Variants in SPAG6 observed in about 807,000 individuals in gnomAD.
SPAG6 encodes the protein sperm associated antigen 6.
SPAG6 carries 49 observed loss-of-function variants against 58.5 expected under a neutral mutation model. The ratio of observed to expected loss-of-function variants is 0.84; its 90% confidence interval spans 0.67 to 1.06. The LOEUF is 1.06. SPAG6 is among the 50% of genes least tolerant of loss of function. The pLI is 0.00. For synonymous variants in SPAG6, 233 were observed against 225.6 expected (o/e 1.03, Z -0.29); for missense variants, 560 against 611.3 (o/e 0.92, Z 0.89).
chr10:22,412,015 A>AT (rs1010389951), intron 10 of SPAG6, among the ~76,000 whole-genome samples: 5 of 151,844 alleles, frequency 3.3e-5, no homozygotes, highest in African/African-American at 9.7e-5. Context: ...CGCCCAGCTA[A>AT]TTTTTTTGTA....
intron 3 of SPAG6, among the ~76,000 whole-genome samples, chr10:22,365,746 C>G (rs7900105): frequency 0.057 from 8,594 of 151,898 alleles, 823 homozygotes; most frequent in African/African-American, 0.2. Flanking sequence ...ATTGAAAAAT[C>G]GACAAAGGAA....
intron 8 of SPAG6, among the ~76,000 whole-genome samples, chr10:22,395,320 C>G (rs1440037682): frequency 6.6e-6 from 1 of 152,086 alleles, no homozygotes; most frequent in Non-Finnish European, 1.5e-5. Context: ...GAGAAACTGC[C>G]CAACTGTTTT....
At chr10:22,369,020 G>A (rs897657184) in intron 4 of SPAG6, among the ~76,000 whole-genome samples, 4 of 152,072 alleles carry the variant, frequency 2.6e-5, no homozygotes, top group African/African-American at 9.7e-5. Flanking sequence ...GCCATTAATG[G>A]CAAAAACCCC....
At chr10:22,351,022 G>A (rs115122388) in intron 2 of SPAG6, among the ~76,000 whole-genome samples, 1,723 of 152,214 alleles carry the variant, frequency 0.011, 28 homozygotes, top group African/African-American at 0.038. Flanking sequence ...TAACTTGTAC[G>A]TATTAGTAAA....
At chr10:22,412,433 A>G in intron 10 of SPAG6, 1 of 1,484,066 alleles carries the variant, frequency 6.7e-7, no homozygotes, top group Non-Finnish European at 9.1e-7. Context: ...CTATCCACAT[A>G]TTTTTACCCA....
At chr10:22,386,603 A>G (rs1588659166) in intron 4 of SPAG6, 151 bp from the exon 5 acceptor site, 1 of 645,414 alleles carries the variant, frequency 1.5e-6, no homozygotes, top group East Asian at 2.7e-5. Flanking sequence ...CACATGGTTT[A>G]TGAAACCAGG....
intron 4 of SPAG6, among the ~76,000 whole-genome samples, chr10:22,382,998 C>T (rs1564371093): frequency 6.6e-6 from 1 of 152,006 alleles, no homozygotes; most frequent in East Asian, 1.9e-4. Context: ...AGTTTTTAAT[C>T]TTGTTTGTTA....
chr10:22,401,007 GT>G (rs1834398000), intron 8 of SPAG6, among the ~76,000 whole-genome samples, 153 bp from the exon 9 acceptor site: 1 of 151,824 alleles, frequency 6.6e-6, no homozygotes, highest in Non-Finnish European at 1.5e-5. Context: ...CCAAGCAGGA[GT>G]TTTTTTTGGA....
intron 8 of SPAG6, among the ~76,000 whole-genome samples, chr10:22,396,939 G>T (rs1366316358): frequency 2.0e-5 from 3 of 152,082 alleles, no homozygotes; most frequent in Non-Finnish European, 4.4e-5. Flanking sequence ...ACTACTAAAT[G>T]CAATGACAAT....
At chr10:22,409,261 A>G (rs769474506) in intron 9 of SPAG6, among the ~76,000 whole-genome samples, 6 of 152,252 alleles carry the variant, frequency 3.9e-5, no homozygotes, top group Admixed American at 6.5e-5. Context: ...ATAGGAAGTA[A>G]TGAAAATTCT....
chr10:22,349,147 G>A (rs1782805527), intron 2 of SPAG6, among the ~76,000 whole-genome samples: 2 of 151,976 alleles, frequency 1.3e-5, no homozygotes, highest in African/African-American at 4.8e-5. Context: ...CCACGCCTGG[G>A]TAGTAAGTTT....
In SPAG6 at chr10:22,411,094, C is replaced by T; in HGVS notation, c.1378C>T (p.Gln460Ter). The T allele has an allele frequency of 6.2e-7, 1 of 1,613,954 alleles. No homozygotes were observed. The highest frequency in any genetic ancestry group is 8.5e-7 in the Non-Finnish European group (1 of 1,179,904). Residue 460 changes from glutamine (Q) to a stop codon, truncating the protein, a stop_gained, in exon 10 of 11, where the codon CAA becomes TAA. Coordinates refer to ENST00000376624, the MANE Select transcript of SPAG6 (RefSeq NM_012443.4). LOFTEE classifies it high-confidence loss of function. ...FVTSGGLKKV[Q>*]EIKAEPGSLL... is the part of the protein sequence containing the mutation. ...AACAAGTGGTGGCCTTAAAAAAGTT[C>T]AAGAGATAAAAGCAGAACCTGGTTC...
At chr10:22,411,395 A>AT in intron 10 of SPAG6, 2 of 422,746 alleles carry the variant, frequency 4.7e-6, no homozygotes, top group East Asian at 3.9e-5. Flanking sequence ...CATTTAAGAC[A>AT]TTTTTGTACT....
chr10:22,359,736 G>T (rs1836980898), intron 2 of SPAG6, among the ~76,000 whole-genome samples: 1 of 152,158 alleles, frequency 6.6e-6, no homozygotes, highest in Admixed American at 6.5e-5. Flanking sequence ...CAGGTTAGAG[G>T]TAACCAAGGC....
intron 10 of SPAG6, among the ~76,000 whole-genome samples, chr10:22,416,016 A>G (rs1427774065): frequency 1.3e-5 from 2 of 152,170 alleles, no homozygotes; most frequent in Non-Finnish European, 2.9e-5. Context: ...GATGCCCAAG[A>G]ACTATTAATA....
rs903423501 is a variant in SPAG6 at position 22,358,362 on chromosome 10, T to G, written c.122-6491T>G. On this transcript the variant is annotated intron_variant, in intron 2 of 10. Transcript: ENST00000376624. ...GATGGTGAGCATTTTTTCATGTGTT[T>G]TTTGGCTGCATAAATGTCTTCTTTT... 2.6e-3 allele frequency among the ~76,000 whole-genome samples: 401 copies of G among 151,408 alleles called. 1 individual carries two copies. Among genetic ancestry groups the G allele is most frequent in the African/African-American group, 8.3e-3 (344 of 41,502 alleles).
chr10:22,380,821 G>GA, intron 4 of SPAG6, among the ~76,000 whole-genome samples: 1 of 151,686 alleles, frequency 6.6e-6, no homozygotes, highest in African/African-American at 2.4e-5. Flanking sequence ...AGCAGTGTTT[G>GA]AAAAAAAATT....
At chr10:22,362,371 T>C (rs1048565184) in intron 2 of SPAG6, among the ~76,000 whole-genome samples, 1 of 151,712 alleles carries the variant, frequency 6.6e-6, no homozygotes, top group African/African-American at 2.4e-5. Context: ...ACTTTAAATA[T>C]ATGTTAACAA....
At chr10:22,382,776 A>G in intron 4 of SPAG6, among the ~76,000 whole-genome samples, 1 of 152,218 alleles carries the variant, frequency 6.6e-6, no homozygotes, top group East Asian at 1.9e-4. Flanking sequence ...TCTTTGTAAC[A>G]ATAATGTTAG....
Sources: gnomAD v4.1 joint callset for allele counts (sites outside exome capture counted in the v4.1 genomes callset) on GRCh38, gnomAD v4.1.1 for gene constraint, MANE v1.5 for transcripts, NCBI Gene and HGNC (gene_info 2026-07-23, HGNC 2026-07-21) for gene names.